The following FGD3 variants were observed in gnomAD, a reference collection of about 807,000 sequenced individuals.
FGD3 encodes FYVE, RhoGEF and PH domain containing 3, also known as FYVE, RhoGEF and PH domain-containing protein 3.
In FGD3, 45 loss-of-function variants were observed where a neutral mutation model predicts 71.8. The ratio of observed to expected loss-of-function variants is 0.63; its 90% CI spans 0.49 to 0.80. FGD3 has a LOEUF of 0.80. Ranked by LOEUF, FGD3 falls within the 30% of genes least tolerant of loss-of-function variation. The pLI is 0.00. For missense variants in FGD3, 844 were observed against 951.5 expected, an observed-to-expected ratio of 0.89 and a Z score of 1.49; for synonymous variants, 378 against 392.8, an observed-to-expected ratio of 0.96 and a Z score of 0.44.
chr9:92,970,086 C>T (rs755281565), intron 1 of FGD3, among the ~76,000 whole-genome samples: 2 of 152,158 alleles, frequency 1.3e-5, no homozygotes, highest in Non-Finnish European at 1.5e-5. Context: ...GAACTGACCT[C>T]GGCTTCCTCA....
intron 3 of FGD3, among the ~76,000 whole-genome samples, chr9:92,999,177 C>T (rs1317313901): frequency 2.0e-5 from 3 of 152,186 alleles, no homozygotes; most frequent in Non-Finnish European, 2.9e-5. Context: ...CAATGGTGGA[C>T]GCCCCTCCCC....
intron 1 of FGD3, among the ~76,000 whole-genome samples, chr9:92,951,630 G>T (rs1564137869): frequency 6.6e-6 from 1 of 152,204 alleles, no homozygotes. Flanking sequence ...AGCTGTGATT[G>T]TGCCACTGCA....
chr9:93,032,670 C>T (rs975853463), intron 15 of FGD3, 99 bp from the exon 16 acceptor site: 4 of 585,270 alleles, frequency 6.8e-6, no homozygotes, highest in African/African-American at 9.3e-5. Flanking sequence ...AGTCTCCTCC[C>T]GCCCACTCCA....
Position 93,035,988 on chromosome 9 carries a change from G to A in FGD3, c.*399G>A, listed in dbSNP as rs1564175622. The A allele has an allele frequency of 1.6e-5, 3 of 186,408 alleles. No homozygotes were observed. Among genetic ancestry groups the A allele is most frequent in the South Asian group, 2.8e-4 (2 of 7,114 alleles). The allele number at this position is 186,408 out of a possible 1,614,324, so 11.5% of individuals were successfully genotyped here. The stretch of plus-strand genomic sequence containing the variant: ...CGCCTCTGCCCAGCCTGTCTACACC[G>A]TGTGAGCTGAATCGTGACTTGCTTC... On this transcript the variant is annotated 3_prime_UTR_variant, in exon 18 of 18. Coordinates refer to ENST00000375482, the MANE Select transcript of FGD3 (RefSeq NM_001083536.2).
At chr9:92,992,129 A>G (rs1860437276) in intron 3 of FGD3, among the ~76,000 whole-genome samples, 1 of 152,188 alleles carries the variant, frequency 6.6e-6, no homozygotes. Context: ...AAACAGGGGA[A>G]TTTAATCTAT....
intron 16 of FGD3, chr9:93,033,777 G>A (rs1390434357): frequency 6.6e-6 from 1 of 152,298 alleles, no homozygotes; most frequent in Non-Finnish European, 1.5e-5. Flanking sequence ...GTGATCGGGG[G>A]GTCAGTGTGT....
intron 1 of FGD3, among the ~76,000 whole-genome samples, chr9:92,955,825 G>A (rs1344700054): frequency 1.3e-5 from 2 of 152,202 alleles, no homozygotes; most frequent in African/African-American, 2.4e-5. Context: ...CATATAGCAT[G>A]TAATCTTTTG....
intron 11 of FGD3, among the ~76,000 whole-genome samples, chr9:93,018,431 A>T (rs1861787604): frequency 6.6e-6 from 1 of 152,198 alleles, no homozygotes; most frequent in Admixed American, 6.5e-5. Context: ...TTGGCCGAGG[A>T]GATGGGAACT....
intron 1 of FGD3, among the ~76,000 whole-genome samples, chr9:92,949,615 A>T (rs894382688): frequency 6.6e-5 from 10 of 152,222 alleles, no homozygotes; most frequent in African/African-American, 2.2e-4. Context: ...CAGGGACAGG[A>T]TGGGTTTGGG....
chr9:93,000,362 G>A (rs557510591), intron 3 of FGD3, among the ~76,000 whole-genome samples: 1 of 152,234 alleles, frequency 6.6e-6, no homozygotes, highest in Admixed American at 6.5e-5. Context: ...TTATCCATGT[G>A]TTCACCTTCA....
intron 14 of FGD3, among the ~76,000 whole-genome samples, chr9:93,024,689 TGGGTG>T (rs1208525653): frequency 6.6e-6 from 1 of 152,164 alleles, no homozygotes; most frequent in Non-Finnish European, 1.5e-5. Flanking sequence ...AGGGATGCCC[TGGGTG>T]GGCAGGACCT....
intron 13 of FGD3, 27 bp from the exon 14 acceptor site, chr9:93,022,300 C>G: frequency 6.2e-7 from 1 of 1,602,220 alleles, no homozygotes. Flanking sequence ...GGAATCTCCT[C>G]TCACTCGGCC....
At chr9:93,021,113 C>T (rs903742227) in intron 13 of FGD3, among the ~76,000 whole-genome samples, 1 of 152,226 alleles carries the variant, frequency 6.6e-6, no homozygotes, top group Non-Finnish European at 1.5e-5. Context: ...GTGCGCTGCC[C>T]GCGTACCACT....
chr9:92,975,711 G>A (rs1325814916), intron 2 of FGD3, among the ~76,000 whole-genome samples: 1 of 152,120 alleles, frequency 6.6e-6, no homozygotes, highest in East Asian at 1.9e-4. Context: ...TCCCCTGAGG[G>A]AGATAGTAGA....
intron 13 of FGD3, among the ~76,000 whole-genome samples, chr9:93,021,705 A>G (rs986003126): frequency 1.2e-4 from 18 of 150,888 alleles, no homozygotes; most frequent in African/African-American, 4.2e-4. Context: ...CCTCCCTACC[A>G]CCTCCAGGGG....
rs191950964 is a variant in FGD3 at position 92,954,937 on chromosome 9, C to G, written c.-218+7208C>G. 5.2e-4 allele frequency among the ~76,000 whole-genome samples: 79 copies of G among 152,264 alleles called. 1 individual carries two copies. In the East Asian group the frequency reaches 0.014, roughly 27 times the overall value. Reference sequence around the variant, plus strand: ...TTAGAGGATGCTTGGAGCATCGTTGCCTGCATTCATGGAACTCACGGTCTG... The same window carrying G: ...TTAGAGGATGCTTGGAGCATCGTTGGCTGCATTCATGGAACTCACGGTCTG... On this transcript the variant is annotated intron_variant, in intron 1 of 17. Coordinates refer to ENST00000375482, the MANE Select transcript of FGD3 (RefSeq NM_001083536.2).
At chr9:93,011,350 C>G in intron 8 of FGD3, 78 bp downstream of exon 8, 4 of 1,552,824 alleles carry the variant, frequency 2.6e-6, no homozygotes, top group Non-Finnish European at 3.6e-6. Flanking sequence ...GGGCCAGCCC[C>G]TTTGCCGCTA....
Position 93,006,029 on chromosome 9 carries a change from C to T in FGD3, c.686C>T (p.Thr229Ile). 3 of 1,602,832 alleles carry T rather than the reference C, an allele frequency of 1.9e-6. No homozygotes were observed. The highest frequency in any genetic ancestry group is 2.6e-6 in the Non-Finnish European group (3 of 1,174,588). The change falls in exon 6 of 18, where the codon ACA becomes ATA. Residue 229 changes from threonine (T) to isoleucine (I), a missense_variant. Coordinates refer to ENST00000375482, the MANE Select transcript of FGD3 (RefSeq NM_001083536.2). ...LKTRITEEWD[T>I]NPRLGDILQK... The stretch of plus-strand genomic sequence containing the variant: ...TGATTCATTTCTCCACGAAGGGACA[C>T]AAACCCACGGCTCGGGGACATCCTG...
chr9:93,006,207 A>G, intron 6 of FGD3, 27 bp downstream of exon 6: 2 of 1,512,592 alleles, frequency 1.3e-6, no homozygotes, highest in South Asian at 1.3e-5. Context: ...GAGTGTGGAC[A>G]CAGATGTTCT....
Sources: gnomAD v4.1 joint callset for allele counts (sites outside exome capture counted in the v4.1 genomes callset) on GRCh38, gnomAD v4.1.1 for gene constraint, MANE v1.5 for transcripts, NCBI Gene and HGNC (gene_info 2026-07-23, HGNC 2026-07-21) for gene names.